Variants in FIG4 observed in about 807,000 individuals in gnomAD.
FIG4 encodes the protein FIG4 phosphoinositide 5-phosphatase.
A neutral mutation model predicts 118.6 loss-of-function variants in FIG4; 112 were observed. The observed-to-expected ratio is 0.94, with a 90% confidence interval of 0.81 to 1.11. The LOEUF (loss-of-function observed/expected upper bound fraction) is 1.11, where lower values mean the gene tolerates loss of function less well. Among genes scored for constraint, FIG4 ranks in the 50% least tolerant of loss-of-function variants. FIG4 has a pLI of 0.00. For missense variants in FIG4, 969 were observed against 1,111.7 expected, an observed-to-expected ratio of 0.87 and a Z score of 1.83; for synonymous variants, 369 against 381.2, an observed-to-expected ratio of 0.97 and a Z score of 0.37.
intron 1 of FIG4, among the ~76,000 whole-genome samples, chr6:109,713,018 A>G (rs1583639033): frequency 6.6e-6 from 1 of 151,856 alleles, no homozygotes; most frequent in African/African-American, 2.4e-5. Context: ...TCAGCTGCCA[A>G]CTCCTGGACT....
At chr6:109,743,808 G>T (rs1280630809) in intron 10 of FIG4, 36 bp downstream of exon 10, 1 of 1,461,200 alleles carries the variant, frequency 6.8e-7, no homozygotes, top group Non-Finnish European at 9.6e-7. Flanking sequence ...ATGAGATTCA[G>T]ACGCTCTGGG....
At chr6:109,700,449 C>T (rs779698266) in intron 1 of FIG4, among the ~76,000 whole-genome samples, 116 of 152,270 alleles carry the variant, frequency 7.6e-4, no homozygotes, top group Non-Finnish European at 1.6e-3. Flanking sequence ...GTTCAACTTG[C>T]AAATAATTAA....
At position 109,787,421 on chromosome 6, in the gene FIG4, T is replaced by C. The variant is rs79642600; in HGVS notation, c.2096+972T>C. Among the ~76,000 whole-genome samples the C allele has an allele frequency of 3.8e-3, 578 of 152,310 alleles. 2 individuals carry two copies. Among genetic ancestry groups the C allele is most frequent in the African/African-American group, 0.013 (559 of 41,572 alleles). Reference sequence around the variant, plus strand: ...GTTAGGAACAGTTCGAAATTCTTACTTGCTTGATTTTTCAAGTAAACTTGT... The same window carrying C: ...GTTAGGAACAGTTCGAAATTCTTACCTGCTTGATTTTTCAAGTAAACTTGT... On this transcript the variant is annotated intron_variant, in intron 18 of 22. Transcript: ENST00000230124.
intron 22 of FIG4, among the ~76,000 whole-genome samples, chr6:109,823,148 C>T (rs1459890536): frequency 6.6e-6 from 1 of 152,124 alleles, no homozygotes; most frequent in African/African-American, 2.4e-5. Flanking sequence ...CTTTGCCAGA[C>T]TGCAGTGTCT....
chr6:109,764,114 A>G (rs1777201636), intron 13 of FIG4, 132 bp downstream of exon 13: 2 of 685,840 alleles, frequency 2.9e-6, no homozygotes, highest in African/African-American at 3.6e-5. Context: ...GATTGTTAAA[A>G]GCCTTACTTC....
At chr6:109,701,870 CT>C in intron 1 of FIG4, 1 of 418,246 alleles carries the variant, frequency 2.4e-6, no homozygotes, top group South Asian at 1.8e-5. Flanking sequence ...ATATTAATAA[CT>C]GGTTTAGAGT....
chr6:109,709,307 T>C (rs1179604026), intron 1 of FIG4, among the ~76,000 whole-genome samples: 1 of 152,198 alleles, frequency 6.6e-6, no homozygotes, highest in East Asian at 1.9e-4. Flanking sequence ...CTCTATTCTG[T>C]TCTATTGGTC....
At chr6:109,789,207 C>A (rs977701262) in intron 18 of FIG4, among the ~76,000 whole-genome samples, 1 of 152,176 alleles carries the variant, frequency 6.6e-6, no homozygotes, top group Admixed American at 6.5e-5. Flanking sequence ...ACCAGATTAA[C>A]CAGATGGTAT....
Position 109,727,184 on chromosome 6 carries a change from A to G in FIG4, c.365A>G (p.His122Arg), listed in dbSNP as rs1293835941. Residue 122 changes from histidine (H) to arginine (R), a missense_variant, in exon 4 of 23, where the codon CAT becomes CGT. His to Arg is a conservative substitution (Grantham distance 29). Around this residue, in one of 3 missense-constraint regions of FIG4, gnomAD observed 393 missense variants for 409.4 expected, o/e 0.96. Transcript: ENST00000230124. ...KRRKMADIGG[H>R]AIYKVEDTNM... Reference sequence around the variant, plus strand: ...AGGAAGATGGCGGATATTGGAGGTCATGCAATCTATAAGGTCGAAGATACA... The same window carrying G: ...AGGAAGATGGCGGATATTGGAGGTCGTGCAATCTATAAGGTCGAAGATACA... The G allele has an allele frequency of 2.5e-6, 4 of 1,609,934 alleles. No homozygotes were observed. The South Asian group carries it at 4.4e-5, about 18-fold the overall frequency.
chr6:109,722,882 A>G (rs1270325271), intron 3 of FIG4, among the ~76,000 whole-genome samples: 1 of 152,126 alleles, frequency 6.6e-6, no homozygotes, highest in East Asian at 1.9e-4. Context: ...TGGGGATGAG[A>G]AAAGCTGGTG....
intron 17 of FIG4, among the ~76,000 whole-genome samples, chr6:109,785,335 T>G (rs971347626): frequency 6.6e-6 from 1 of 152,174 alleles, no homozygotes; most frequent in Admixed American, 6.5e-5. Context: ...CACTTTAAAC[T>G]AATACAGTTT....
intron 22 of FIG4, among the ~76,000 whole-genome samples, chr6:109,808,565 T>C (rs2128400184): frequency 6.6e-6 from 1 of 152,294 alleles, no homozygotes. Context: ...GAAAAGGACT[T>C]GTGTGGTGAT....
In FIG4 at chr6:109,727,188, A is replaced by G; in HGVS notation, c.369A>G (p.Ala123=). The part of the protein sequence containing the change: ...RRKMADIGGH[A]IYKVEDTNMI... ...AGATGGCGGATATTGGAGGTCATGC[A>G]ATCTATAAGGTCGAAGATACAAATA... is the stretch of plus-strand genomic sequence containing the variant. Residue 123 remains alanine (A), a synonymous_variant, in exon 4 of 23, where the codon GCA becomes GCG. Coordinates refer to ENST00000230124, the MANE Select transcript of FIG4 (RefSeq NM_014845.6). The G allele has an allele frequency of 2.5e-6, 4 of 1,610,414 alleles. No individual in the cohort carries two copies. Among genetic ancestry groups the G allele is most frequent in the Non-Finnish European group, 3.4e-6 (4 of 1,176,638 alleles).
At chr6:109,717,280 G>A (rs531885802) in intron 3 of FIG4, among the ~76,000 whole-genome samples, 4 of 152,228 alleles carry the variant, frequency 2.6e-5, no homozygotes, top group African/African-American at 7.2e-5. Context: ...TAGTCCAAAC[G>A]TGATATTGAT....
At chr6:109,788,683 AAAAAG>A (rs1173457512) in intron 18 of FIG4, among the ~76,000 whole-genome samples, 1 of 152,252 alleles carries the variant, frequency 6.6e-6, no homozygotes, top group Non-Finnish European at 1.5e-5. Context: ...GTGTATGTTC[AAAAAG>A]AAAAGAATTT....
intron 4 of FIG4, among the ~76,000 whole-genome samples, chr6:109,730,096 T>C (rs897688146): frequency 1.3e-5 from 2 of 152,092 alleles, no homozygotes; most frequent in African/African-American, 2.4e-5. Flanking sequence ...TTACCCAGGC[T>C]GGAGTGCAGT....
At chr6:109,706,753 C>G (rs1229283162) in intron 1 of FIG4, among the ~76,000 whole-genome samples, 7 of 152,182 alleles carry the variant, frequency 4.6e-5, no homozygotes, top group Non-Finnish European at 1.0e-4. Flanking sequence ...TATTCTTGTG[C>G]CTGTAACAAA....
intron 10 of FIG4, among the ~76,000 whole-genome samples, chr6:109,755,052 C>T (rs1366292207): frequency 6.6e-6 from 1 of 151,924 alleles, no homozygotes; most frequent in Non-Finnish European, 1.5e-5. Context: ...TGGATCTTTC[C>T]TTCTTTCTCT....
At chr6:109,750,515 T>G (rs1776658105) in intron 10 of FIG4, among the ~76,000 whole-genome samples, 1 of 151,990 alleles carries the variant, frequency 6.6e-6, no homozygotes, top group Non-Finnish European at 1.5e-5. Flanking sequence ...ACACCTGTAG[T>G]CCCAGCTACT....
Sources: allele counts gnomAD v4.1 joint callset (sites outside exome capture counted in the v4.1 genomes callset), GRCh38; gene constraint gnomAD v4.1.1; regional missense constraint gnomAD v4.1.1; transcripts MANE v1.5; gene names NCBI Gene and HGNC (gene_info 2026-07-23, HGNC 2026-07-21).